Variants in CSMD1 observed in about 807,000 individuals in gnomAD.
CSMD1 encodes the protein CUB and sushi domain-containing protein 1.
CSMD1 carries 213 observed loss-of-function variants against 417.5 expected under a neutral mutation model. That is an observed-to-expected ratio of 0.51 (90% CI 0.46 to 0.57). The LOEUF is 0.57. Among genes scored for constraint, CSMD1 ranks in the 20% least tolerant of loss-of-function variants. The probability of loss-of-function intolerance (pLI) is 0.00; values close to 1 mark genes in which losing one functional copy is unlikely to be tolerated. For missense variants in CSMD1, 6,923 were observed against 4,529.7 expected (o/e 1.53, Z -15.17); for synonymous variants, 2,862 against 1,736.8 (o/e 1.65, Z -16.11).
chr8:3,860,455 G>T (rs1046190102), intron 5 of CSMD1, among the ~76,000 whole-genome samples: 3 of 152,138 alleles, frequency 2.0e-5, no homozygotes, highest in Admixed American at 1.3e-4. Flanking sequence ...CTATTTGAAT[G>T]TAGGAGTTTG....
chr8:3,791,924 A>G (rs1377031258), intron 5 of CSMD1, among the ~76,000 whole-genome samples: 1 of 152,164 alleles, frequency 6.6e-6, no homozygotes, highest in South Asian at 2.1e-4. Flanking sequence ...CAAAAACCTC[A>G]ATAGCGTTTG....
intron 5 of CSMD1, among the ~76,000 whole-genome samples, chr8:3,881,585 G>T (rs954361079): frequency 4.7e-5 from 7 of 147,660 alleles, no homozygotes; most frequent in Non-Finnish European, 4.5e-5. Context: ...AGCCTGCCTG[G>T]GTGACAGAGC....
At chr8:4,722,080 G>T (rs1379746013) in intron 1 of CSMD1, among the ~76,000 whole-genome samples, 1 of 152,044 alleles carries the variant, frequency 6.6e-6, no homozygotes, top group Non-Finnish European at 1.5e-5. Flanking sequence ...AATAAGTCAA[G>T]AAATCTAATA....
chr8:3,912,102 A>C (rs1016422494), intron 5 of CSMD1, among the ~76,000 whole-genome samples: 1 of 152,198 alleles, frequency 6.6e-6, no homozygotes, highest in Non-Finnish European at 1.5e-5. Flanking sequence ...TAAATATAAC[A>C]GCTTGTCCAA....
rs150491737 is a variant in CSMD1 at position 3,838,299 on chromosome 8, G to C, written c.819-84257C>G. On this transcript the variant is annotated intron_variant, in intron 5 of 69. Coordinates refer to ENST00000635120, the MANE Select transcript of CSMD1 (RefSeq NM_033225.6). ...ACCTGTAACCCCCAACACTTTGGGAGGCAAGGCAGGAGGATTGCTTGAGTC... is the reference window on the plus strand; with the variant it reads ...ACCTGTAACCCCCAACACTTTGGGACGCAAGGCAGGAGGATTGCTTGAGTC... Among the ~76,000 whole-genome samples the C allele has an allele frequency of 3.2e-3, 492 of 152,080 alleles. 3 individuals are homozygous for C. The highest frequency in any genetic ancestry group is 0.012 in the African/African-American group (483 of 41,480).
At chr8:2,955,912 AT>A (rs954814040) in intron 63 of CSMD1, 144 bp from the exon 64 acceptor site, 394 of 541,190 alleles carry the variant, frequency 7.3e-4, no homozygotes, top group Middle Eastern at 1.5e-3. Context: ...ATATATGTAT[AT>A]TTTTTTTGGT....
intron 42 of CSMD1, among the ~76,000 whole-genome samples, chr8:3,117,504 C>T (rs1444011687): frequency 2.0e-5 from 3 of 152,172 alleles, no homozygotes; most frequent in Admixed American, 6.5e-5. Context: ...TTTCAAAGGT[C>T]CACGGAGTTG....
intron 22 of CSMD1, among the ~76,000 whole-genome samples, chr8:3,346,838 T>G (rs2593606): frequency 6.6e-6 from 1 of 152,086 alleles, no homozygotes; most frequent in Non-Finnish European, 1.5e-5. Flanking sequence ...TCTACGTAGA[T>G]GTAAATTAAT....
intron 3 of CSMD1, among the ~76,000 whole-genome samples, chr8:4,340,790 C>T (rs576842873): frequency 6.6e-6 from 1 of 152,068 alleles, no homozygotes. Context: ...ATGGTTGCTT[C>T]TAGAGAGTTA....
At chr8:3,500,250 T>C (rs901901545) in intron 10 of CSMD1, among the ~76,000 whole-genome samples, 1 of 152,198 alleles carries the variant, frequency 6.6e-6, no homozygotes, top group Non-Finnish European at 1.5e-5. Context: ...TACCTACTTG[T>C]CATTTTGGTT....
chr8:4,463,532 A>G (rs954253349), intron 2 of CSMD1, among the ~76,000 whole-genome samples: 6 of 152,130 alleles, frequency 3.9e-5, no homozygotes, highest in Non-Finnish European at 8.8e-5. Flanking sequence ...CCGATGAAAA[A>G]ACATGGTCTA....
In CSMD1 at chr8:3,796,379, T is replaced by A. The variant is rs1419194714; in HGVS notation, c.819-42337A>T. On this transcript the variant is annotated intron_variant, in intron 5 of 69. Transcript: ENST00000635120. Reference sequence around the variant, plus strand: ...TATAGATATAGATATCTATCATGTATATATATATCTATCATGTATAGATAT... The same window carrying A: ...TATAGATATAGATATCTATCATGTAAATATATATCTATCATGTATAGATAT... 8.3e-5 allele frequency among the ~76,000 whole-genome samples: 4 copies of A among 48,196 alleles called. 1 individual carries two copies. The highest frequency in any genetic ancestry group is 2.1e-4 in the Admixed American group (1 of 4,852). The allele number at this position is 48,196 out of a possible 152,430, so 31.6% of individuals were successfully genotyped here.
At chr8:4,198,114 C>T (rs145778884) in intron 3 of CSMD1, among the ~76,000 whole-genome samples, 114 of 152,274 alleles carry the variant, frequency 7.5e-4, no homozygotes, top group African/African-American at 2.6e-3. Flanking sequence ...GTAAGTTTTA[C>T]GGGAGAAGGT....
intron 1 of CSMD1, among the ~76,000 whole-genome samples, chr8:4,743,909 A>G (rs906546989): frequency 1.1e-4 from 16 of 152,170 alleles, no homozygotes. Context: ...CAAGCCGATT[A>G]AAGCTAGAAG....
intron 3 of CSMD1, among the ~76,000 whole-genome samples, chr8:4,040,536 A>T (rs1486662490): frequency 6.6e-6 from 1 of 152,212 alleles, no homozygotes; most frequent in Non-Finnish European, 1.5e-5. Context: ...AGAAGAGGTG[A>T]TGATAAAGTG....
At chr8:3,947,080 A>G (rs1178506374) in intron 5 of CSMD1, among the ~76,000 whole-genome samples, 1 of 152,196 alleles carries the variant, frequency 6.6e-6, no homozygotes, top group Non-Finnish European at 1.5e-5. Flanking sequence ...GAATAGTTGT[A>G]AAAGTGGATA....
At chr8:4,317,574 T>A (rs1585220109) in intron 3 of CSMD1, among the ~76,000 whole-genome samples, 1 of 151,836 alleles carries the variant, frequency 6.6e-6, no homozygotes. Flanking sequence ...AAGTTAAGTG[T>A]CAGTACTCAA....
chr8:3,603,376 G>A (rs567210991), intron 8 of CSMD1, among the ~76,000 whole-genome samples: 13 of 152,088 alleles, frequency 8.5e-5, no homozygotes, highest in South Asian at 4.2e-4. Context: ...GGACTTAGGC[G>A]CGGCAGGCTC....
At chr8:4,636,213 T>G (rs1585369345) in intron 2 of CSMD1, among the ~76,000 whole-genome samples, 1 of 152,124 alleles carries the variant, frequency 6.6e-6, no homozygotes, top group Non-Finnish European at 1.5e-5. Context: ...GTTAGGAAAA[T>G]CTGATTTCTT....
Sources: allele counts gnomAD v4.1 joint callset (sites outside exome capture counted in the v4.1 genomes callset), GRCh38; gene constraint gnomAD v4.1.1; transcripts MANE v1.5; gene names NCBI Gene and HGNC (gene_info 2026-07-23, HGNC 2026-07-21).